SULF1: variants seen among roughly 807,000 people sequenced by gnomAD.
SULF1 encodes extracellular sulfatase Sulf-1.
A neutral mutation model predicts 110.5 loss-of-function variants in SULF1; 46 were observed. The observed-to-expected ratio is 0.42, with a 90% CI of 0.33 to 0.53. The LOEUF (loss-of-function observed/expected upper bound fraction) is 0.53. SULF1 is among the 20% of genes least tolerant of loss of function. SULF1 has a pLI of 0.12. For synonymous variants in SULF1, 371 were observed against 387.1 expected (o/e 0.96, Z 0.49); for missense variants, 941 against 1,094.2 (o/e 0.86, Z 1.98).
intron 3 of SULF1, among the ~76,000 whole-genome samples, chr8:69,545,437 A>G (rs1322127546): frequency 3.9e-5 from 6 of 152,208 alleles, no homozygotes; most frequent in African/African-American, 1.4e-4. Context: ...CTTATTGACT[A>G]AAGGTTTTAT....
chr8:69,642,587 C>T (rs1271041810), intron 22 of SULF1, among the ~76,000 whole-genome samples: 2 of 152,102 alleles, frequency 1.3e-5, no homozygotes, highest in African/African-American at 4.8e-5. Flanking sequence ...CCCTGCCTCC[C>T]ATCGGTCACA....
intron 5 of SULF1, 29 bp from the exon 6 acceptor site, chr8:69,575,941 C>A (rs1391951875): frequency 6.2e-7 from 1 of 1,609,340 alleles, no homozygotes; most frequent in Admixed American, 1.7e-5. Context: ...CTGCACTTTG[C>A]TAAACAATGC....
At chr8:69,630,699 G>A (rs1810451676) in intron 19 of SULF1, among the ~76,000 whole-genome samples, 1 of 152,116 alleles carries the variant, frequency 6.6e-6, no homozygotes, top group Admixed American at 6.5e-5. Context: ...GCAACATCTA[G>A]CAAGACACTT....
At chr8:69,572,536 A>T (rs1805310314) in intron 5 of SULF1, among the ~76,000 whole-genome samples, 2 of 152,188 alleles carry the variant, frequency 1.3e-5, no homozygotes. Flanking sequence ...TAAGCCACCT[A>T]GATCACTCAA....
At chr8:69,639,913 C>G (rs944004224) in intron 21 of SULF1, among the ~76,000 whole-genome samples, 4 of 152,160 alleles carry the variant, frequency 2.6e-5, no homozygotes, top group Non-Finnish European at 5.9e-5. Context: ...ATCCTCAGTT[C>G]TCAATCAACA....
chr8:69,517,720 TA>T (rs1014407786), intron 3 of SULF1, among the ~76,000 whole-genome samples: 2 of 152,092 alleles, frequency 1.3e-5, no homozygotes, highest in Non-Finnish European at 2.9e-5. Context: ...AAGTATCCAG[TA>T]AAAAAGAAGT....
chr8:69,616,102 C>CAT lies in SULF1; in HGVS notation c.1378-4928_1378-4927dup, dbSNP rs574296930. Among the ~76,000 whole-genome samples, 431 of 135,804 alleles carry CAT rather than the reference C, an allele frequency of 3.2e-3. 10 individuals are homozygous for CAT. The highest frequency in any genetic ancestry group is 0.011 in the African/African-American group (403 of 36,676). The allele number at this position is 135,804 out of a possible 152,430, so 89.1% of individuals were successfully genotyped here. ...TATATAATGTGTATATATATACACA[C>CAT]ATATATGTGTGTGTATATATAATGT... is the stretch of plus-strand genomic sequence containing the variant. On this transcript the variant is annotated intron_variant, in intron 13 of 22. Coordinates refer to ENST00000402687, the MANE Select transcript of SULF1 (RefSeq NM_001128205.2).
At position 69,509,810 on chromosome 8, in the gene SULF1, A is replaced by G. The variant is rs1207421233; in HGVS notation, c.-134+7842A>G. On this transcript the variant is annotated intron_variant, in intron 3 of 22. Transcript: ENST00000402687. ...AGGAATTTTTTCAAATGTCATATAC[A>G]GTATCAGCTTAGTAGTCTGTAAGTG... Among the ~76,000 whole-genome samples the G allele has an allele frequency of 3.3e-5, 5 of 152,370 alleles. No individual in the cohort carries two copies. The East Asian group carries it at 9.6e-4, about 29-fold the overall frequency.
chr8:69,658,307 C>CT (rs1333660195), intron 22 of SULF1, among the ~76,000 whole-genome samples, 198 bp from the exon 23 acceptor site: 1 of 152,152 alleles, frequency 6.6e-6, no homozygotes. Context: ...CGAATGTGAT[C>CT]TTTTTTTTCC....
At chr8:69,627,336 T>A in intron 16 of SULF1, 30 bp downstream of exon 16, 1 of 1,572,396 alleles carries the variant, frequency 6.4e-7, no homozygotes, top group Non-Finnish European at 8.8e-7. Flanking sequence ...CTGTCAGATA[T>A]ATTCCAAACT....
In SULF1 at chr8:69,603,646, G is replaced by A; in HGVS notation, c.1237G>A (p.Val413Met). 1 of 1,612,830 alleles carries A rather than the reference G, an allele frequency of 6.2e-7. No individual in the cohort carries two copies. The highest frequency in any genetic ancestry group is 8.5e-7 in the Non-Finnish European group (1 of 1,178,800). The change falls in exon 12 of 23, where the codon GTG becomes ATG. Residue 413 changes from valine to methionine, a missense_variant. Val to Met is a conservative substitution (Grantham distance 21). Around this residue, in one of 3 missense-constraint regions of SULF1, gnomAD observed 822 missense variants for 934.3 expected, o/e 0.88. Coordinates refer to ENST00000402687, the MANE Select transcript of SULF1 (RefSeq NM_001128205.2). Reference protein sequence around the residue: ...KAKIWRDTFLVERGKFLRKKE... With the variant: ...KAKIWRDTFLMERGKFLRKKE... The stretch of plus-strand genomic sequence containing the variant: ...CAAAATTTGGCGTGATACATTCCTA[G>A]TGGAAAGAGGGTAATTATTGGTTCC...
chr8:69,633,022 G>GA (rs111362479), intron 19 of SULF1, among the ~76,000 whole-genome samples: 199 of 96,810 alleles, frequency 2.1e-3, no homozygotes, highest in South Asian at 0.01. Context: ...CATGTCAGAA[G>GA]AAAAAAAAAA....
upstream of SULF1, among the ~76,000 whole-genome samples, chr8:69,488,608 A>G (rs1013654287): frequency 1.3e-5 from 2 of 152,170 alleles, no homozygotes; most frequent in African/African-American, 2.4e-5. Context: ...TCCATTTAGT[A>G]TTACTACTAC....
At chr8:69,654,991 G>C (rs544119582) in intron 22 of SULF1, among the ~76,000 whole-genome samples, 1 of 152,292 alleles carries the variant, frequency 6.6e-6, no homozygotes, top group East Asian at 1.9e-4. Context: ...AATTAGTACA[G>C]TATTTTCCGT....
upstream of SULF1, among the ~76,000 whole-genome samples, chr8:69,487,933 G>A (rs145943158): frequency 6.4e-4 from 98 of 152,244 alleles, no homozygotes; most frequent in African/African-American, 2.3e-3. Flanking sequence ...CTATGTCCTG[G>A]CAATGATTTG....
chr8:69,572,037 T>C (rs914681500), intron 5 of SULF1, among the ~76,000 whole-genome samples: 2 of 152,222 alleles, frequency 1.3e-5, no homozygotes, highest in East Asian at 1.9e-4. Context: ...ATGCCTCATC[T>C]GTGCCTGAGC....
chr8:69,644,550 C>T (rs1811732816), intron 22 of SULF1, among the ~76,000 whole-genome samples: 1 of 151,852 alleles, frequency 6.6e-6, no homozygotes, highest in African/African-American at 2.4e-5. Flanking sequence ...CCGAGGCAGG[C>T]AGATCACGAG....
chr8:69,485,589 C>CA (rs1809671414), intron 1 of SULF1, among the ~76,000 whole-genome samples: 1 of 152,164 alleles, frequency 6.6e-6, no homozygotes, highest in Non-Finnish European at 1.5e-5. Flanking sequence ...CAGAATGAGG[C>CA]TTTTTCCTGT....
chr8:69,505,973 A>G (rs903285004), intron 3 of SULF1, among the ~76,000 whole-genome samples: 1 of 152,124 alleles, frequency 6.6e-6, no homozygotes, highest in African/African-American at 2.4e-5. Flanking sequence ...AGAATCATAG[A>G]AAATTGCTTC....
Sources: allele counts gnomAD v4.1 joint callset (sites outside exome capture counted in the v4.1 genomes callset), GRCh38; gene constraint gnomAD v4.1.1; regional missense constraint gnomAD v4.1.1; transcripts MANE v1.5; gene names NCBI Gene and HGNC (gene_info 2026-07-23, HGNC 2026-07-21).